Variants in AHNAK2 observed in about 807,000 individuals in gnomAD.
AHNAK2 encodes the protein protein AHNAK2.
In AHNAK2, 18 loss-of-function variants were observed where a neutral mutation model predicts 30.7. The observed-to-expected ratio is 0.59, with a 90% CI of 0.41 to 0.87. The LOEUF is 0.87. AHNAK2 is among the 40% of genes least tolerant of loss of function. The probability of loss-of-function intolerance (pLI) is 0.00; values close to 1 mark genes in which losing one functional copy is unlikely to be tolerated. For synonymous variants in AHNAK2, 3,590 were observed against 3,073.8 expected, an observed-to-expected ratio of 1.17 and a Z score of -5.56; for missense variants, 8,604 against 7,373.0, an observed-to-expected ratio of 1.17 and a Z score of -6.11.
intron 1 of AHNAK2, among the ~76,000 whole-genome samples, chr14:104,959,849 C>A (rs1899086807): frequency 6.6e-6 from 1 of 152,100 alleles, no homozygotes; most frequent in African/African-American, 2.4e-5. Context: ...ATAAAAGACT[C>A]TATGAATATA....
At chr14:104,955,779 C>T (rs1197613715) in intron 4 of AHNAK2, 146 bp from the exon 5 acceptor site, 1 of 1,077,338 alleles carries the variant, frequency 9.3e-7, no homozygotes, top group African/African-American at 1.6e-5. Context: ...GGGTACCCAC[C>T]AGGTGGGCTC....
At position 104,942,457 on chromosome 14, in the gene AHNAK2, C is replaced by G. The variant is rs752439882; in HGVS notation, c.12994G>C (p.Val4332Leu). The G allele has an allele frequency of 1.2e-6, 2 of 1,612,596 alleles. No individual in the cohort carries two copies. The highest frequency in any genetic ancestry group is 3.3e-5 in the Admixed American group (2 of 59,908). Residue 4332 changes from valine (V) to leucine (L), a missense_variant, in exon 7 of 7, where the codon GTG becomes CTG. Coordinates refer to ENST00000333244, the MANE Select transcript of AHNAK2 (RefSeq NM_138420.4). ...TCCCCCTGCATGGAGGGGAGGCTCACGTCAGCCTCCACCTTCAGCGCAGAC... is the reference window on the plus strand; with the variant it reads ...TCCCCCTGCATGGAGGGGAGGCTCAGGTCAGCCTCCACCTTCAGCGCAGAC... ...DVSALKVEADVSLPSMQGDLK... is the reference protein window; with the variant it reads ...DVSALKVEADLSLPSMQGDLK...
At position 104,947,326 on chromosome 14, in the gene AHNAK2, C is replaced by G; in HGVS notation, c.8125G>C (p.Ala2709Pro). ...GGGAGTTTCACATCCACCTGGCCAGCCTGGACCTCCAGTTGGGCAGAGGGG... is the reference window on the plus strand; with the variant it reads ...GGGAGTTTCACATCCACCTGGCCAGGCTGGACCTCCAGTTGGGCAGAGGGG... ...QPPSAQLEVQ[A>P]GQVDVKLPEG... Residue 2709 changes from alanine to proline, a missense_variant, in exon 7 of 7, where the codon GCT becomes CCT. By Grantham distance (27) the Ala-to-Pro change is conservative. Transcript: ENST00000333244. The G allele has an allele frequency of 1.9e-6, 3 of 1,612,404 alleles. No homozygotes were observed. Among genetic ancestry groups the G allele is most frequent in the Non-Finnish European group, 2.5e-6 (3 of 1,179,568 alleles).
In AHNAK2 at chr14:104,950,758, G is replaced by C; in HGVS notation, c.4693C>G (p.Pro1565Ala). Residue 1565 changes from proline (P) to alanine (A), a missense_variant, in exon 7 of 7, where the codon CCT becomes GCT. Transcript: ENST00000333244. ...GQVDVKLPEG[P>A]VSEGAGLKGH... ...TTGAGGCCGGCTCCCTCGGACACAG[G>C]GCCCTCTGGGAGTTTCACGTCCACT... 2 of 1,587,450 alleles carry C rather than the reference G, an allele frequency of 1.3e-6. No homozygotes were observed. Among genetic ancestry groups the C allele is most frequent in the East Asian group, 2.3e-5 (1 of 44,150 alleles).
At chr14:104,969,743 T>A (rs1195635093) in intron 1 of AHNAK2, among the ~76,000 whole-genome samples, 2 of 152,186 alleles carry the variant, frequency 1.3e-5, no homozygotes, top group Admixed American at 6.5e-5. Context: ...GGGTAGCACA[T>A]GTGCCACCTC....
chr14:104,942,523 C>A lies in AHNAK2; in HGVS notation c.12928G>T (p.Val4310Leu). The change falls in exon 7 of 7, where the codon GTG (valine) becomes TTG (leucine). Residue 4310 changes from valine to leucine, a missense_variant. Coordinates refer to ENST00000333244, the MANE Select transcript of AHNAK2 (RefSeq NM_138420.4). ...MPKFKMPSFG[V>L]SAPGKSIEAS... is the part of the protein sequence containing the mutation. ...TCGATGGACTTGCCTGGGGCAGACA[C>A]CCCGAACGACGGCATCTTGAACTTG... 6.2e-7 allele frequency: 1 copy of A among 1,612,638 alleles called. No individual in the cohort carries two copies. Among genetic ancestry groups the A allele is most frequent in the Non-Finnish European group, 8.5e-7 (1 of 1,179,422 alleles).
chr14:104,966,223 G>C lies in AHNAK2; in HGVS notation c.56-8551C>G, dbSNP rs916057151. The stretch of plus-strand genomic sequence containing the variant: ...TCAACACTCACCCCCACGTCATCCC[G>C]GCCCCGCCACCTTCCTACTGCTCCG... On this transcript the variant is annotated intron_variant, in intron 1 of 6. Transcript: ENST00000333244. This position sits in a 1 kb window ranked among gnomAD's most constrained non-coding sequence, Gnocchi z 4.3. 1.1e-4 allele frequency among the ~76,000 whole-genome samples: 17 copies of C among 151,942 alleles called. No homozygotes were observed. Among genetic ancestry groups the C allele is most frequent in the Non-Finnish European group, 1.0e-4 (7 of 67,966 alleles).
chr14:104,946,541 A>C lies in AHNAK2; in HGVS notation c.8910T>G (p.Asp2970Glu), dbSNP rs371904238. The C allele has an allele frequency of 1.2e-4, 195 of 1,609,672 alleles. No individual in the cohort carries two copies. The highest frequency in any genetic ancestry group is 1.6e-4 in the Non-Finnish European group (185 of 1,178,718). The change falls in exon 7 of 7, where the codon GAT becomes GAG. Residue 2970 changes from aspartate (D) to glutamate (E), a missense_variant. Asp to Glu is a conservative substitution (Grantham distance 45, BLOSUM62 2). Coordinates refer to ENST00000333244, the MANE Select transcript of AHNAK2 (RefSeq NM_138420.4). ...LEGDLSLADK[D>E]VTAKDSKFKM... ...TGAACTTGCTGTCTTTGGCAGTCAC[A>C]TCCTTGTCGGCCAGGGACAGGTCAC...
At position 104,944,994 on chromosome 14, in the gene AHNAK2, G is replaced by A. The variant is rs777676247; in HGVS notation, c.10457C>T (p.Ser3486Leu). The change falls in exon 7 of 7, where the codon TCG becomes TTG. Residue 3486 changes from serine to leucine, a missense_variant. By Grantham distance (145) the Ser-to-Leu change is moderately radical. Coordinates refer to ENST00000333244, the MANE Select transcript of AHNAK2 (RefSeq NM_138420.4). ...PKFKMPSFGVSAPGRSIEASL... is the reference protein window; with the variant it reads ...PKFKMPSFGVLAPGRSIEASL... ...GGCCTCGATGGACCTGCCTGGGGCC[G>A]ACACCCCGAAGGAGGGCATCTTGAA... 39 of 1,612,878 alleles carry A rather than the reference G, an allele frequency of 2.4e-5. No individual in the cohort carries two copies. Among genetic ancestry groups the A allele is most frequent in the Admixed American group, 1.0e-4 (6 of 59,938 alleles).
At chr14:104,971,552 C>CT (rs908968608) in intron 1 of AHNAK2, among the ~76,000 whole-genome samples, 31 of 149,476 alleles carry the variant, frequency 2.1e-4, no homozygotes, top group South Asian at 1.3e-3. Context: ...ACTGGCCTAG[C>CT]TTTTTTTTTT....
chr14:104,965,634 C>T (rs1260778006), intron 1 of AHNAK2, among the ~76,000 whole-genome samples: 1 of 152,226 alleles, frequency 6.6e-6, no homozygotes, highest in Non-Finnish European at 1.5e-5. Flanking sequence ...ATCCCTGCCC[C>T]AGACCCAGTT....
At chr14:104,956,242 C>T (rs975644885) in intron 4 of AHNAK2, among the ~76,000 whole-genome samples, 9 of 152,160 alleles carry the variant, frequency 5.9e-5, no homozygotes, top group African/African-American at 2.2e-4. Flanking sequence ...GCTGACTGGC[C>T]TTTTCAGCCC....
rs56827987 is a variant in AHNAK2, at chr14:104,961,488, C to A, written c.56-3816G>T. On this transcript the variant is annotated intron_variant, in intron 1 of 6. Coordinates refer to ENST00000333244, the MANE Select transcript of AHNAK2 (RefSeq NM_138420.4). ...CGAGATCGCGTCACTGCACTCCAGC[C>A]TGGGTGACAGCGAGACCCCATCTTA... Among the ~76,000 whole-genome samples the A allele has an allele frequency of 3.3e-3, 498 of 149,796 alleles. 3 individuals carry two copies. The highest frequency in any genetic ancestry group is 0.012 in the African/African-American group (471 of 40,396).
rs190362647 is a variant in AHNAK2, at chr14:104,946,494, G to A, written c.8957C>T (p.Pro2986Leu). The A allele has an allele frequency of 8.3e-5, 133 of 1,611,986 alleles. No individual in the cohort carries two copies. The highest frequency in any genetic ancestry group is 6.0e-4 in the South Asian group (55 of 90,984). Residue 2986 changes from proline to leucine, a missense_variant, in exon 7 of 7, where the codon CCG becomes CTG. Transcript: ENST00000333244. ...GCCTGGGGCAGACACCCCGAACGACGGCATCTTGAACTTGGGCATTTTGAA... is the reference window on the plus strand; with the variant it reads ...GCCTGGGGCAGACACCCCGAACGACAGCATCTTGAACTTGGGCATTTTGAA... ...SKFKMPKFKM[P>L]SFGVSAPGKS... is the part of the protein sequence containing the mutation.
chr14:104,972,469 G>A (rs913362528), intron 1 of AHNAK2, among the ~76,000 whole-genome samples: 2 of 152,174 alleles, frequency 1.3e-5, no homozygotes, highest in African/African-American at 2.4e-5. Context: ...GGCACAGAGC[G>A]GGGCCGTCAT....
In AHNAK2 at chr14:104,949,587, T is replaced by A. The variant is rs766652621; in HGVS notation, c.5864A>T (p.Glu1955Val). The A allele has an allele frequency of 6.3e-7, 1 of 1,588,718 alleles. No homozygotes were observed. Among genetic ancestry groups the A allele is most frequent in the Non-Finnish European group, 8.6e-7 (1 of 1,163,334 alleles). Residue 1955 changes from glutamate (E) to valine (V), a missense_variant, in exon 7 of 7, where the codon GAG becomes GTG. By Grantham distance (121) the Glu-to-Val change is moderately radical. Transcript: ENST00000333244. ...AGCCTTCTGGGCCTGGACATCCACC[T>A]CCATGCTGGGCAGAGACACCTCGAC... Reference protein sequence around the residue: ...PDVEVSLPSMEVDVQAQKAKL... With the variant: ...PDVEVSLPSMVVDVQAQKAKL...
At chr14:104,970,033 C>T (rs1160580129) in intron 1 of AHNAK2, among the ~76,000 whole-genome samples, 1 of 152,172 alleles carries the variant, frequency 6.6e-6, no homozygotes, top group African/African-American at 2.4e-5. Flanking sequence ...TTCTCCAGGC[C>T]CCACGCCCAC....
intron 1 of AHNAK2, among the ~76,000 whole-genome samples, chr14:104,974,454 G>A (rs1472096590): frequency 6.6e-6 from 1 of 152,248 alleles, no homozygotes; most frequent in Admixed American, 6.5e-5. Context: ...ACAACTTGCA[G>A]GTCCCTGACT....
In AHNAK2 at chr14:104,946,451, C is replaced by G; in HGVS notation, c.9000G>C (p.Ser3000=). The G allele has an allele frequency of 3.1e-6, 5 of 1,612,860 alleles. No individual in the cohort carries two copies. The highest frequency in any genetic ancestry group is 1.1e-5 in the South Asian group (1 of 91,008). ...VSAPGKSIEV[S]VDVSAPKVEA... ...CCACCTTCGGCGCAGACACATCCACCGAGACCTCAATGGACTTGCCTGGGG... is the reference window on the plus strand; with the variant it reads ...CCACCTTCGGCGCAGACACATCCACGGAGACCTCAATGGACTTGCCTGGGG... The change falls in exon 7 of 7, where the codon TCG becomes TCC. Residue 3000 remains serine, a synonymous_variant. Transcript: ENST00000333244.
Sources: gnomAD v4.1 joint callset for allele counts (sites outside exome capture counted in the v4.1 genomes callset) on GRCh38, gnomAD v4.1.1 for gene constraint, Gnocchi (gnomAD v3.1) non-coding constraint, MANE v1.5 for transcripts, NCBI Gene and HGNC (gene_info 2026-07-23, HGNC 2026-07-21) for gene names.